AEBP2: variants seen among roughly 807,000 people sequenced by gnomAD.
AEBP2 encodes the protein zinc finger protein AEBP2.
AEBP2 carries 10 observed loss-of-function variants against 50.8 expected under a neutral mutation model. The ratio of observed to expected loss-of-function variants is 0.20; its 90% CI spans 0.12 to 0.33. AEBP2 has a LOEUF of 0.33. Among genes scored for constraint, AEBP2 ranks in the 10% least tolerant of loss-of-function variants. The pLI is 1.00. For missense variants in AEBP2, 570 were observed against 688.0 expected (o/e 0.83, Z 1.92); for synonymous variants, 296 against 261.3 (o/e 1.13, Z -1.28).
At chr12:19,429,084 G>A (rs568471142) in intron 1 of AEBP2, among the ~76,000 whole-genome samples, 6 of 152,144 alleles carry the variant, frequency 3.9e-5, no homozygotes, top group South Asian at 2.1e-4. Flanking sequence ...CTATTAACTC[G>A]TCATTTAACA....
chr12:19,509,194 T>G (rs1949197566), intron 5 of AEBP2: 2 of 391,380 alleles, frequency 5.1e-6, no homozygotes, highest in African/African-American at 2.0e-5. Flanking sequence ...CTTTCCTTAT[T>G]AAGGAGTAGA....
At chr12:19,452,111 G>T (rs1250410089) in intron 1 of AEBP2, among the ~76,000 whole-genome samples, 5 of 152,038 alleles carry the variant, frequency 3.3e-5, no homozygotes, top group Admixed American at 2.6e-4. Context: ...GGCTGGTCTC[G>T]AACTCCTGAC....
At chr12:19,502,362 G>T (rs1291822044) in intron 5 of AEBP2, among the ~76,000 whole-genome samples, 1 of 152,050 alleles carries the variant, frequency 6.6e-6, no homozygotes, top group African/African-American at 2.4e-5. Context: ...TTGAACTCCT[G>T]ACCTCAAGTG....
At chr12:19,453,170 T>C (rs1948197381) in intron 1 of AEBP2, among the ~76,000 whole-genome samples, 3 of 151,988 alleles carry the variant, frequency 2.0e-5, no homozygotes, top group Admixed American at 2.0e-4. Flanking sequence ...GGAGTTTCAC[T>C]GTGTTAGCCA....
intron 6 of AEBP2, among the ~76,000 whole-genome samples, chr12:19,513,594 A>C (rs1287759027): frequency 6.6e-6 from 1 of 152,072 alleles, no homozygotes; most frequent in Non-Finnish European, 1.5e-5. Flanking sequence ...CCTCGTCTCT[A>C]CAGGAAAACA....
At chr12:19,496,926 A>T (rs1466870369) in intron 4 of AEBP2, among the ~76,000 whole-genome samples, 2 of 151,748 alleles carry the variant, frequency 1.3e-5, no homozygotes, top group East Asian at 3.9e-4. Flanking sequence ...TCAGCCTCCC[A>T]AAGGGCTGGG....
At chr12:19,433,755 A>G (rs1317813342) in intron 1 of AEBP2, among the ~76,000 whole-genome samples, 1 of 151,802 alleles carries the variant, frequency 6.6e-6, no homozygotes, top group East Asian at 2.0e-4. Context: ...GTGAACCGAG[A>G]TCATGCCACT....
intron 3 of AEBP2, among the ~76,000 whole-genome samples, chr12:19,489,117 G>A (rs927435178): frequency 6.6e-6 from 1 of 152,160 alleles, no homozygotes. Context: ...GGGTATTTCA[G>A]TGGGAGACCA....
At position 19,426,224 on chromosome 12, in the gene AEBP2, C is replaced by T. The variant is rs368835375; in HGVS notation, c.-17+22008C>T. Among the ~76,000 whole-genome samples the T allele has an allele frequency of 1.1e-3, 169 of 152,242 alleles. 1 individual carries two copies. The highest frequency in any genetic ancestry group is 3.8e-3 in the African/African-American group (157 of 41,540). ...TGCTGGGATTACAGGCATGAGCCAC[C>T]GCAGCCGACCCTATGTTGGGATTTC... is the stretch of plus-strand genomic sequence containing the variant. On this transcript the variant is annotated intron_variant, in intron 1 of 3. Coordinates refer to the AEBP2 transcript ENST00000538425.
At chr12:19,455,184 G>T (rs960813335) in intron 1 of AEBP2, among the ~76,000 whole-genome samples, 3 of 151,648 alleles carry the variant, frequency 2.0e-5, no homozygotes, top group Non-Finnish European at 2.9e-5. Context: ...TAAGAGACAG[G>T]GTCTTGCTAT....
intron 1 of AEBP2, among the ~76,000 whole-genome samples, chr12:19,433,509 G>C (rs2095752500): frequency 6.6e-6 from 1 of 152,108 alleles, no homozygotes; most frequent in Admixed American, 6.6e-5. Context: ...GCCAGGCACG[G>C]TGGTTCATGC....
chr12:19,516,413 G>C (rs1010767204), intron 7 of AEBP2, among the ~76,000 whole-genome samples: 1 of 152,174 alleles, frequency 6.6e-6, no homozygotes, highest in African/African-American at 2.4e-5. Flanking sequence ...AAAGGGCCAT[G>C]AATCTTAAAT....
chr12:19,456,602 C>A, intron 1 of AEBP2: 1 of 1,530,190 alleles, frequency 6.5e-7, no homozygotes, highest in Non-Finnish European at 9.0e-7. Context: ...TCAGGATAAT[C>A]ACCTGAGCAG....
chr12:19,495,665 C>G (rs868592786), intron 4 of AEBP2, among the ~76,000 whole-genome samples: 2 of 151,888 alleles, frequency 1.3e-5, no homozygotes, highest in African/African-American at 4.8e-5. Flanking sequence ...CCTCAGCCTC[C>G]CAAGTAGCTG....
chr12:19,444,513 A>C (rs1444405495), intron 1 of AEBP2, among the ~76,000 whole-genome samples: 1 of 152,248 alleles, frequency 6.6e-6, no homozygotes, highest in African/African-American at 2.4e-5. Context: ...AGGGCAGATC[A>C]CATGAGGTCA....
intron 1 of AEBP2, among the ~76,000 whole-genome samples, chr12:19,455,933 G>A (rs1467005629): frequency 1.3e-5 from 2 of 148,204 alleles, no homozygotes; most frequent in Admixed American, 1.3e-4. Context: ...AACAATACTA[G>A]TCAAAGAGAT....
chr12:19,514,840 A>T, intron 7 of AEBP2, 56 bp downstream of exon 7: 3 of 1,361,266 alleles, frequency 2.2e-6, no homozygotes, highest in Non-Finnish European at 3.1e-6. Flanking sequence ...TTCTCTCCCC[A>T]AATTTTGGAT....
intron 1 of AEBP2, among the ~76,000 whole-genome samples, chr12:19,460,978 G>T (rs1255057752): frequency 6.6e-6 from 1 of 151,998 alleles, no homozygotes; most frequent in African/African-American, 2.4e-5. Flanking sequence ...TTTTAAGAAG[G>T]TATATACTGT....
intron 3 of AEBP2, among the ~76,000 whole-genome samples, chr12:19,492,794 C>G (rs1303207311): frequency 1.3e-5 from 2 of 151,820 alleles, no homozygotes; most frequent in Admixed American, 6.6e-5. Context: ...TGGTGAAACC[C>G]CCTTTTGACA....
Sources: gnomAD v4.1 joint callset for allele counts (sites outside exome capture counted in the v4.1 genomes callset) on GRCh38, gnomAD v4.1.1 for gene constraint, MANE v1.5 for transcripts, NCBI Gene and HGNC (gene_info 2026-07-23, HGNC 2026-07-21) for gene names.